NUP107: variants seen among roughly 807,000 people sequenced by gnomAD.
NUP107 encodes nuclear pore complex protein Nup107.
In NUP107, 101 loss-of-function variants were observed where a neutral mutation model predicts 141.0. The ratio of observed to expected loss-of-function variants is 0.72; its 90% CI spans 0.61 to 0.84. The LOEUF is 0.84. NUP107 is among the 40% of genes least tolerant of loss of function. NUP107 has a pLI of 0.00. For synonymous variants in NUP107, 319 were observed against 363.9 expected (o/e 0.88, Z 1.41); for missense variants, 941 against 1,102.7 (o/e 0.85, Z 2.08).
chr12:68,717,686 C>G (rs990002424), intron 12 of NUP107, among the ~76,000 whole-genome samples: 3 of 152,132 alleles, frequency 2.0e-5, no homozygotes, highest in African/African-American at 7.2e-5. Context: ...CTTCCCTCAG[C>G]CCCTGTAACC....
chr12:68,698,285 A>C lies in NUP107; in HGVS notation c.552+1363A>C, dbSNP rs141436020. 9.4e-4 allele frequency among the ~76,000 whole-genome samples: 143 copies of C among 152,254 alleles called. 1 individual carries two copies. Among genetic ancestry groups the C allele is most frequent in the Middle Eastern group, 3.4e-3 (1 of 294 alleles). ...AAACAAAAAAAGAAATAGAATGATG[A>C]AGATCCAAAAGACACCACCAAATGC... is the stretch of plus-strand genomic sequence containing the variant. On this transcript the variant is annotated intron_variant, in intron 6 of 27. Coordinates refer to ENST00000229179, the MANE Select transcript of NUP107 (RefSeq NM_020401.4).
rs1184892337 is a variant in NUP107, at chr12:68,731,683, T to C, written c.1962T>C (p.His654=). 2 of 1,586,770 alleles carry C rather than the reference T, an allele frequency of 1.3e-6. No individual in the cohort carries two copies. The highest frequency in any genetic ancestry group is 1.9e-5 in the Admixed American group (1 of 52,394). Residue 654 remains histidine, a synonymous_variant, in exon 22 of 28, where the codon CAT becomes CAC. Transcript: ENST00000229179. The part of the protein sequence containing the change: ...RKKDNGEFSH[H]DLAPALDTGT... ...AAGATAATGGTGAATTTAGTCATCA[T>C]GACCTGGCCCCAGCCCTAGATACTG...
At position 68,715,662 on chromosome 12, in the gene NUP107, TG is replaced by T; in HGVS notation, c.1006del (p.Asp336MetfsTer18). 1 of 1,613,270 alleles carries T rather than the reference TG, an allele frequency of 6.2e-7. No homozygotes were observed. Among genetic ancestry groups the T allele is most frequent in the South Asian group, 1.1e-5 (1 of 91,066 alleles). On this transcript the variant is annotated frameshift_variant, in exon 12 of 28. Coordinates refer to ENST00000229179, the MANE Select transcript of NUP107 (RefSeq NM_020401.4). LOFTEE classifies it high-confidence loss of function. ...CTCCCATAAGACAGAAAATGCCCCT[TG>T]ATGATCTGGATAGAGAAGATGAAGT... ...DAPIRQKMPL[D>X]DLDREDEVRL...
At chr12:68,724,554 A>G (rs985621827) in intron 17 of NUP107, among the ~76,000 whole-genome samples, 2 of 152,140 alleles carry the variant, frequency 1.3e-5, no homozygotes, top group African/African-American at 4.8e-5. Flanking sequence ...AAGCAGGAGG[A>G]TCACTTGAGC....
At position 68,734,846 on chromosome 12, in the gene NUP107, T is replaced by C. The variant is rs941521724; in HGVS notation, c.2388+13T>C. 1.9e-6 allele frequency: 3 copies of C among 1,610,830 alleles called. No individual in the cohort carries two copies. The highest frequency in any genetic ancestry group is 2.5e-6 in the Non-Finnish European group (3 of 1,178,986). On this transcript the variant is annotated intron_variant, in intron 25 of 27. Coordinates refer to ENST00000229179, the MANE Select transcript of NUP107 (RefSeq NM_020401.4). ...AAAGAAATATGAAGTAAGTTAAATATGGATCTAGGATGTGCCTACTGCATC... is the reference window on the plus strand; with the variant it reads ...AAAGAAATATGAAGTAAGTTAAATACGGATCTAGGATGTGCCTACTGCATC...
chr12:68,700,623 A>G, intron 6 of NUP107, 103 bp from the exon 7 acceptor site: 1 of 687,112 alleles, frequency 1.5e-6, no homozygotes, highest in South Asian at 3.5e-5. Flanking sequence ...TATAATATAT[A>G]CTTATTAAAT....
rs1875563308 is a variant in NUP107, at chr12:68,687,652, A to G, written c.8+579A>G. On this transcript the variant is annotated intron_variant, in intron 1 of 27. Coordinates refer to ENST00000229179, the MANE Select transcript of NUP107 (RefSeq NM_020401.4). ...TGTAACTATCAGGAAGACCCCTCAAAGAAGGTAACTTTCTAGCTGGTCTTT... is the reference window on the plus strand; with the variant it reads ...TGTAACTATCAGGAAGACCCCTCAAGGAAGGTAACTTTCTAGCTGGTCTTT... The G allele has an allele frequency of 5.1e-6, 5 of 985,478 alleles. No homozygotes were observed. In the South Asian group the frequency reaches 1.4e-4, roughly 28 times the overall value. 61.0% of individuals were successfully genotyped at this position (985,478 alleles called of 1,614,324 possible).
Position 68,741,985 on chromosome 12 carries a change from G to T in NUP107, c.2670+5G>T, listed in dbSNP as rs1399103730. The T allele has an allele frequency of 6.3e-7, 1 of 1,576,894 alleles. No homozygotes were observed. Among genetic ancestry groups the T allele is most frequent in the South Asian group, 1.2e-5 (1 of 85,820 alleles). On this transcript the variant is annotated splice_donor_5th_base_variant and intron_variant, in intron 27 of 27. Transcript: ENST00000229179. ...GAGCGCCACAAACTGTACCTGGTAAGTTCTAGAGCCTTGTAGTTTTAAATT... is the reference window on the plus strand; with the variant it reads ...GAGCGCCACAAACTGTACCTGGTAATTTCTAGAGCCTTGTAGTTTTAAATT...
intron 11 of NUP107, among the ~76,000 whole-genome samples, chr12:68,715,395 G>A (rs1024791316): frequency 1.3e-5 from 2 of 152,120 alleles, no homozygotes; most frequent in African/African-American, 4.8e-5. Context: ...TCGGGAGGCC[G>A]AGGCAGGAGA....
chr12:68,721,638 A>G (rs1048346113), intron 15 of NUP107, among the ~76,000 whole-genome samples: 1 of 152,360 alleles, frequency 6.6e-6, no homozygotes. Flanking sequence ...TGTTGTTAAC[A>G]GTATGAAAAA....
Position 68,738,568 on chromosome 12 carries a change from C to A in NUP107, c.2502+3224C>A, listed in dbSNP as rs1303154510. ...ATTTCAGCCCCACTTACTTGCTTGG[C>A]CAGCCACCCTTGTACAAGGCACGGC... On this transcript the variant is annotated intron_variant, in intron 26 of 27. Transcript: ENST00000229179. Among the ~76,000 whole-genome samples the A allele has an allele frequency of 2.0e-5, 3 of 152,206 alleles. No individual in the cohort carries two copies. In the East Asian group the frequency reaches 5.8e-4, roughly 29 times the overall value.
At chr12:68,719,713 T>C (rs1420144062) in intron 14 of NUP107, 59 bp downstream of exon 14, 1 of 1,208,838 alleles carries the variant, frequency 8.3e-7, no homozygotes, top group African/African-American at 1.5e-5. Context: ...TGAAAGCCTA[T>C]TCAGGGGCTG....
At chr12:68,718,808 A>G (rs1877219641) in intron 12 of NUP107, among the ~76,000 whole-genome samples, 1 of 152,158 alleles carries the variant, frequency 6.6e-6, no homozygotes, top group Admixed American at 6.6e-5. Flanking sequence ...GGCAGAGGCC[A>G]CAGAAAGGCA....
At chr12:68,698,080 T>C (rs559427175) in intron 6 of NUP107, among the ~76,000 whole-genome samples, 1 of 150,900 alleles carries the variant, frequency 6.6e-6, no homozygotes, top group African/African-American at 2.4e-5. Flanking sequence ...CATTAGAGAA[T>C]TGCAAATTAA....
chr12:68,738,445 C>G (rs1423931036), intron 26 of NUP107, among the ~76,000 whole-genome samples: 6 of 139,578 alleles, frequency 4.3e-5, no homozygotes, highest in African/African-American at 1.5e-4. Context: ...AGGGAGACTC[C>G]GTCTCAAAAA....
intron 17 of NUP107, 94 bp downstream of exon 17, chr12:68,722,246 T>C: frequency 4.3e-6 from 4 of 929,644 alleles, no homozygotes; most frequent in Non-Finnish European, 4.8e-6. Context: ...TGGAACTTTC[T>C]CCCTTTTTCT....
Position 68,700,263 on chromosome 12 carries a change from T to TA in NUP107, c.553-462dup, listed in dbSNP as rs1432747751. 1.9e-4 allele frequency among the ~76,000 whole-genome samples: 29 copies of TA among 152,330 alleles called. No individual in the cohort carries two copies. The East Asian group carries it at 5.6e-3, about 29-fold the overall frequency. ...GGAAGGACTTTGGTGATGTTTTGTTTAGAAATGATAATGTTTTTGGTGCCA... is the reference window on the plus strand; with the variant it reads ...GGAAGGACTTTGGTGATGTTTTGTTTAAGAAATGATAATGTTTTTGGTGCCA... On this transcript the variant is annotated intron_variant, in intron 6 of 27. Coordinates refer to ENST00000229179, the MANE Select transcript of NUP107 (RefSeq NM_020401.4).
chr12:68,715,643 T>G lies in NUP107; in HGVS notation c.986T>G (p.Ile329Arg), dbSNP rs767068548. The G allele has an allele frequency of 6.2e-7, 1 of 1,610,190 alleles. No individual in the cohort carries two copies. The highest frequency in any genetic ancestry group is 2.2e-5 in the East Asian group (1 of 44,826). ...LVTELDPDAP[I>R]RQKMPLDDLD... ...TTCTTACAGGACCCTGATGCTCCCA[T>G]AAGACAGAAAATGCCCCTTGATGAT... The change falls in exon 12 of 28, where the codon ATA becomes AGA. Residue 329 changes from isoleucine to arginine, a missense_variant. By Grantham distance (97) the Ile-to-Arg change is moderately conservative. Transcript: ENST00000229179.
At chr12:68,716,258 A>G (rs1220749994) in intron 12 of NUP107, among the ~76,000 whole-genome samples, 6 of 60,606 alleles carry the variant, frequency 9.9e-5, no homozygotes, top group African/African-American at 3.3e-4. Context: ...TTTTTTTTTG[A>G]GATGGGATCT....
Sources: gnomAD v4.1 joint callset for allele counts (sites outside exome capture counted in the v4.1 genomes callset) on GRCh38, gnomAD v4.1.1 for gene constraint, MANE v1.5 for transcripts, NCBI Gene and HGNC (gene_info 2026-07-23, HGNC 2026-07-21) for gene names.